MYH9: variants seen among roughly 807,000 people sequenced by gnomAD.
The protein encoded by MYH9 is myosin-9.
MYH9 carries 29 observed loss-of-function variants against 241.9 expected under a neutral mutation model. That is an observed-to-expected ratio of 0.12 (90% CI 0.09 to 0.16). The LOEUF (loss-of-function observed/expected upper bound fraction) is 0.16. Among genes scored for constraint, MYH9 ranks in the 10% least tolerant of loss-of-function variants. MYH9 has a pLI of 1.00. For missense variants in MYH9, 1,803 were observed against 2,595.5 expected, an observed-to-expected ratio of 0.69 and a Z score of 6.63; for synonymous variants, 1,047 against 1,062.6, an observed-to-expected ratio of 0.99 and a Z score of 0.29.
At chr22:36,339,629 A>C (rs2064632672) in intron 3 of MYH9, among the ~76,000 whole-genome samples, 1 of 152,236 alleles carries the variant, frequency 6.6e-6, no homozygotes, top group South Asian at 2.1e-4. Flanking sequence ...GCAAGCTGCC[A>C]CTGTAAACCA....
chr22:36,311,399 T>C (rs896964348), intron 14 of MYH9, among the ~76,000 whole-genome samples: 5 of 152,060 alleles, frequency 3.3e-5, no homozygotes, highest in Admixed American at 6.5e-5. Context: ...TGTTTGGCGA[T>C]GTCTGGAGAC....
At position 36,326,583 on chromosome 22, in the gene MYH9, C is replaced by T. The variant is rs1475864345; in HGVS notation, c.597G>A (p.Lys199=). Residue 199 remains lysine (K), a synonymous_variant, in exon 5 of 41, where the codon AAG becomes AAA. Coordinates refer to ENST00000216181, the MANE Select transcript of MYH9 (RefSeq NM_002473.6). ...CAGCACTCACCTGGTCCTTCTTGCT[C>T]TTGTGCGAGGACGCCACGTACGCCA... ...QYLAYVASSH[K]SKKDQGELER... 1.2e-6 allele frequency: 2 copies of T among 1,614,246 alleles called. No homozygotes were observed. Among genetic ancestry groups the T allele is most frequent in the East Asian group, 2.2e-5 (1 of 44,892 alleles).
rs770580528 is a variant in MYH9 at position 36,302,555 on chromosome 22, T to C, written c.2499+13A>G. ...GTAGTCCCAGCTACTCAGGAGGCCCTTCTAGCACGCACCTTGGTGAAGAGC... is the reference window on the plus strand; with the variant it reads ...GTAGTCCCAGCTACTCAGGAGGCCCCTCTAGCACGCACCTTGGTGAAGAGC... On this transcript the variant is annotated intron_variant, in intron 20 of 40. Transcript: ENST00000216181. 2.5e-6 allele frequency: 4 copies of C among 1,610,416 alleles called. No homozygotes were observed. In the Admixed American group the frequency reaches 6.7e-5, roughly 27 times the overall value.
chr22:36,295,203 C>T lies in MYH9; in HGVS notation c.3486-127G>A, dbSNP rs2016769732. The T allele has an allele frequency of 1.2e-5, 15 of 1,276,798 alleles. No individual in the cohort carries two copies. Among genetic ancestry groups the T allele is most frequent in the Non-Finnish European group, 1.6e-5 (14 of 886,222 alleles). 79.1% of individuals were successfully genotyped at this position (1,276,798 alleles called of 1,614,324 possible). A position where few individuals can be genotyped will look rare whatever the true frequency, so the allele number is the denominator to read the frequency against. ...CACTCCAGGCAGCTTTTCTACCCACCGGCCCCTCCTAGCCATCTATCCCAT... is the reference window on the plus strand; with the variant it reads ...CACTCCAGGCAGCTTTTCTACCCACTGGCCCCTCCTAGCCATCTATCCCAT... On this transcript the variant is annotated intron_variant, in intron 26 of 40. Coordinates refer to ENST00000216181, the MANE Select transcript of MYH9 (RefSeq NM_002473.6). The surrounding 1 kb of genome is among the most constrained non-coding windows in gnomAD (Gnocchi z 4.1).
chr22:36,340,538 G>A (rs1264977021), intron 3 of MYH9, among the ~76,000 whole-genome samples: 1 of 152,008 alleles, frequency 6.6e-6, no homozygotes, highest in Non-Finnish European at 1.5e-5. Context: ...GCACAAGCCT[G>A]TAATCCCAGC....
At chr22:36,370,605 T>C (rs964106842) in intron 1 of MYH9, among the ~76,000 whole-genome samples, 2 of 152,180 alleles carry the variant, frequency 1.3e-5, no homozygotes, top group Non-Finnish European at 2.9e-5. Flanking sequence ...TAGGTTATAG[T>C]CCTGCACCAG....
intron 1 of MYH9, among the ~76,000 whole-genome samples, chr22:36,376,927 G>C (rs147219498): frequency 1.3e-5 from 2 of 152,302 alleles, no homozygotes; most frequent in Admixed American, 6.5e-5. Flanking sequence ...GCTGGGTGTG[G>C]TGGTGCACAC....
chr22:36,379,863 C>G (rs530797131), intron 1 of MYH9, among the ~76,000 whole-genome samples: 1 of 152,186 alleles, frequency 6.6e-6, no homozygotes, highest in Admixed American at 6.5e-5. Flanking sequence ...GACACCTGCC[C>G]GGGTGCTGAA....
chr22:36,359,260 C>T (rs960334178), intron 1 of MYH9, among the ~76,000 whole-genome samples: 5 of 152,216 alleles, frequency 3.3e-5, no homozygotes, highest in Non-Finnish European at 5.9e-5. Context: ...GGCACAATGC[C>T]TGGCCCAGAG....
intron 2 of MYH9, among the ~76,000 whole-genome samples, chr22:36,346,258 C>T (rs753435124): frequency 9.2e-5 from 14 of 152,174 alleles, no homozygotes; most frequent in South Asian, 2.1e-4. Flanking sequence ...GGGTGGGCAT[C>T]GATGGCAGAA....
In MYH9 at chr22:36,320,668, T is replaced by C. The variant is rs936675870; in HGVS notation, c.868+130A>G. The C allele has an allele frequency of 2.5e-6, 2 of 788,204 alleles. No individual in the cohort carries two copies. The highest frequency in any genetic ancestry group is 3.4e-5 in the African/African-American group (2 of 58,142). 48.8% of individuals were successfully genotyped at this position (788,204 alleles called of 1,614,324 possible). ...CTTAGGATGGCGCAGAGAACAGGAGTCACTCTCACTTCTCCCCGTTAAACC... is the reference window on the plus strand; with the variant it reads ...CTTAGGATGGCGCAGAGAACAGGAGCCACTCTCACTTCTCCCCGTTAAACC... On this transcript the variant is annotated intron_variant, in intron 8 of 40. Coordinates refer to ENST00000216181, the MANE Select transcript of MYH9 (RefSeq NM_002473.6). This position sits in a 1 kb window ranked among gnomAD's most constrained non-coding sequence, Gnocchi z 4.8.
Position 36,301,684 on chromosome 22 carries a change from G to A in MYH9, c.2500-19C>T. The A allele has an allele frequency of 6.2e-7, 1 of 1,611,984 alleles. No individual in the cohort carries two copies. The stretch of plus-strand genomic sequence containing the variant: ...GCTTGACCTGGGAGAGGAGATAGAG[G>A]TAGAGACATGCTCGGCTGGAAGATG... On this transcript the variant is annotated intron_variant, in intron 20 of 40. Transcript: ENST00000216181.
intron 31 of MYH9, among the ~76,000 whole-genome samples, chr22:36,290,588 G>C (rs1209775831): frequency 2.0e-5 from 3 of 152,098 alleles, no homozygotes; most frequent in Non-Finnish European, 4.4e-5. Flanking sequence ...GAAGTGAGGA[G>C]CGTCTCTGCC....
intron 1 of MYH9, among the ~76,000 whole-genome samples, chr22:36,379,610 G>T (rs887433845): frequency 6.6e-6 from 1 of 152,236 alleles, no homozygotes; most frequent in African/African-American, 2.4e-5. Context: ...CATACCATAA[G>T]GATGGTAAGG....
chr22:36,339,012 T>C (rs1440434218), intron 3 of MYH9, among the ~76,000 whole-genome samples: 3 of 152,224 alleles, frequency 2.0e-5, no homozygotes, highest in Non-Finnish European at 4.4e-5. Context: ...TCTGGTTCTC[T>C]GCATCCTTTT....
intron 13 of MYH9, among the ~76,000 whole-genome samples, chr22:36,313,530 C>T (rs899127532): frequency 1.3e-5 from 2 of 150,824 alleles, no homozygotes; most frequent in African/African-American, 2.4e-5. Context: ...ATACCCTCAA[C>T]AAGCCTAAAA....
intron 34 of MYH9, 35 bp from the exon 35 acceptor site, chr22:36,286,881 G>T (rs762808692): frequency 6.2e-7 from 1 of 1,601,582 alleles, no homozygotes; most frequent in East Asian, 2.2e-5. Context: ...ACCCCACCCA[G>T]CTCCTTGGCC....
intron 2 of MYH9, among the ~76,000 whole-genome samples, chr22:36,342,809 A>G (rs1396442034): frequency 6.6e-6 from 1 of 152,192 alleles, no homozygotes; most frequent in Non-Finnish European, 1.5e-5. Flanking sequence ...CACGCACCAC[A>G]TCACCTACGG....
chr22:36,327,654 G>A (rs1156622463), intron 3 of MYH9, among the ~76,000 whole-genome samples, 166 bp from the exon 4 acceptor site: 6 of 152,098 alleles, frequency 3.9e-5, no homozygotes, highest in African/African-American at 1.2e-4. Context: ...GAGCATCTTC[G>A]GGGGAGAGTG....
Sources: gnomAD v4.1 joint callset for allele counts (sites outside exome capture counted in the v4.1 genomes callset) on GRCh38, gnomAD v4.1.1 for gene constraint, Gnocchi (gnomAD v3.1) non-coding constraint, MANE v1.5 for transcripts, NCBI Gene and HGNC (gene_info 2026-07-23, HGNC 2026-07-21) for gene names.